MDGA2: variants seen among roughly 807,000 people sequenced by gnomAD.
MDGA2 encodes the protein MAM domain containing glycosylphosphatidylinositol anchor 2, also known as MAM domain-containing glycosylphosphatidylinositol anchor protein 2.
In MDGA2, 40 loss-of-function variants were observed where a neutral mutation model predicts 117.8. The observed-to-expected ratio is 0.34, with a 90% CI of 0.26 to 0.44. The LOEUF (loss-of-function observed/expected upper bound fraction) is 0.44. Among genes scored for constraint, MDGA2 ranks in the 20% least tolerant of loss-of-function variants. MDGA2 has a pLI of 1.00. For synonymous variants in MDGA2, 452 were observed against 439.0 expected (o/e 1.03, Z -0.37); for missense variants, 1,123 against 1,250.6 (o/e 0.90, Z 1.54).
intron 8 of MDGA2, chr14:46,996,848 A>G (rs1225290163): frequency 8.1e-6 from 2 of 246,336 alleles, no homozygotes; most frequent in East Asian, 1.0e-4. Context: ...GATATGAATG[A>G]GCTTTCCACA....
chr14:46,913,578 A>T (rs968411946), intron 10 of MDGA2, among the ~76,000 whole-genome samples: 1 of 152,226 alleles, frequency 6.6e-6, no homozygotes, highest in African/African-American at 2.4e-5. Flanking sequence ...TTAAATTTGT[A>T]ATAAAGTTAT....
chr14:47,488,083 C>A (rs1032217053), intron 1 of MDGA2, among the ~76,000 whole-genome samples: 5 of 152,008 alleles, frequency 3.3e-5, no homozygotes, highest in African/African-American at 1.2e-4. Context: ...TGCTCCAAGT[C>A]ACTTGTTTTC....
intron 1 of MDGA2, among the ~76,000 whole-genome samples, chr14:47,399,840 A>C (rs1336963176): frequency 6.6e-6 from 1 of 152,136 alleles, no homozygotes; most frequent in Non-Finnish European, 1.5e-5. Context: ...AGGATTTTAG[A>C]GGAAAGAAAA....
chr14:47,348,662 C>T (rs1189718746), intron 1 of MDGA2, among the ~76,000 whole-genome samples: 3 of 151,986 alleles, frequency 2.0e-5, no homozygotes, highest in African/African-American at 4.8e-5. Flanking sequence ...AACAGAATAC[C>T]TCCTTAACTG....
chr14:47,107,695 C>G (rs1419209977), intron 5 of MDGA2, among the ~76,000 whole-genome samples: 1 of 151,478 alleles, frequency 6.6e-6, no homozygotes. Flanking sequence ...GCACCTTCTA[C>G]AAAACAACTC....
intron 8 of MDGA2, among the ~76,000 whole-genome samples, chr14:46,966,026 G>T (rs1886017439): frequency 6.6e-6 from 1 of 151,450 alleles, no homozygotes; most frequent in East Asian, 1.9e-4. Flanking sequence ...CTTATACTAA[G>T]ATAGTTGGTT....
chr14:47,633,224 A>G (rs150686791), intron 1 of MDGA2, among the ~76,000 whole-genome samples: 1,834 of 151,968 alleles, frequency 0.012, 15 homozygotes, highest in Middle Eastern at 0.034. Flanking sequence ...CTTCCACTAT[A>G]TTGAAGCTCT....
At chr14:46,949,646 T>C (rs1033568858) in intron 9 of MDGA2, among the ~76,000 whole-genome samples, 1 of 152,064 alleles carries the variant, frequency 6.6e-6, no homozygotes, top group African/African-American at 2.4e-5. Flanking sequence ...CTTAGAATAA[T>C]GGCTTCCAGC....
At position 46,845,684 on chromosome 14, in the gene MDGA2, A is replaced by T. The variant is rs13379475; in HGVS notation, c.2989+82T>A. 5,430 of 844,376 alleles carry T rather than the reference A, an allele frequency of 6.4e-3. 199 individuals carry two copies. The African/African-American group carries it at 0.079, about 12-fold the overall frequency. 52.3% of individuals were successfully genotyped at this position (844,376 alleles called of 1,614,324 possible). On this transcript the variant is annotated intron_variant, in intron 16 of 16. Transcript: ENST00000399232. ...ACCAACTAAAAATAACTCCGTTTTT[A>T]AAATTAATTAAATTAAATGTTAATT...
At chr14:47,603,402 A>G in intron 1 of MDGA2, among the ~76,000 whole-genome samples, 1 of 152,194 alleles carries the variant, frequency 6.6e-6, no homozygotes, top group East Asian at 1.9e-4. Flanking sequence ...TGTATACCAT[A>G]GACATAAAAT....
At chr14:47,543,634 T>A (rs1043922891) in intron 1 of MDGA2, among the ~76,000 whole-genome samples, 1 of 152,238 alleles carries the variant, frequency 6.6e-6, no homozygotes, top group Non-Finnish European at 1.5e-5. Flanking sequence ...CAAATGAATA[T>A]ACTCAGATAA....
rs796606770 is a variant in MDGA2, at chr14:47,286,826, C to CAT, written c.420+14583_420+14584dup. On this transcript the variant is annotated intron_variant, in intron 2 of 16. Transcript: ENST00000399232. ...CATTATATATATATATATATATATA[C>CAT]ATATATATATGTATATATATATATA... is the stretch of plus-strand genomic sequence containing the variant. 1.9e-3 allele frequency among the ~76,000 whole-genome samples: 134 copies of CAT among 71,602 alleles called. No individual in the cohort carries two copies. The East Asian group carries it at 0.033, about 17-fold the overall frequency. The allele number at this position is 71,602 out of a possible 152,430, so 47.0% of individuals were successfully genotyped here. A position where few individuals can be genotyped will look rare whatever the true frequency, so the allele number is the denominator to read the frequency against.
At chr14:47,249,444 C>T (rs1205407195) in intron 2 of MDGA2, among the ~76,000 whole-genome samples, 4 of 152,268 alleles carry the variant, frequency 2.6e-5, no homozygotes, top group Admixed American at 2.0e-4. Flanking sequence ...ACCTCGGCCT[C>T]CTGAATAGCT....
At chr14:46,961,875 C>G (rs150427260) in intron 8 of MDGA2, among the ~76,000 whole-genome samples, 128 of 152,242 alleles carry the variant, frequency 8.4e-4, no homozygotes, top group African/African-American at 2.7e-3. Context: ...ATCTCCTGAC[C>G]TCGTGATCCA....
At chr14:47,316,914 G>C (rs769604447) in intron 1 of MDGA2, among the ~76,000 whole-genome samples, 1 of 152,066 alleles carries the variant, frequency 6.6e-6, no homozygotes, top group Non-Finnish European at 1.5e-5. Context: ...TTGAGAATGA[G>C]AGAACTGAGG....
intron 9 of MDGA2, among the ~76,000 whole-genome samples, chr14:46,954,243 T>C (rs1309642189): frequency 1.3e-5 from 2 of 151,934 alleles, no homozygotes; most frequent in Non-Finnish European, 2.9e-5. Flanking sequence ...CGTGCACCCA[T>C]GTCTCCAGGG....
At chr14:46,985,251 A>G (rs1886819094) in intron 8 of MDGA2, among the ~76,000 whole-genome samples, 2 of 152,090 alleles carry the variant, frequency 1.3e-5, no homozygotes, top group Non-Finnish European at 2.9e-5. Context: ...GTGACTAGAA[A>G]GAAGTGATAA....
At chr14:47,200,520 TTTCTTTTTCTTTTC>T in intron 3 of MDGA2, 1 of 623,006 alleles carries the variant, frequency 1.6e-6, no homozygotes, top group Admixed American at 3.6e-5. Flanking sequence ...TCTTTTCTTT[TTTCTTTTTCTTTTC>T]TTTTTTTTTT....
chr14:47,060,147 G>T (rs978582597), intron 7 of MDGA2, among the ~76,000 whole-genome samples: 1 of 151,930 alleles, frequency 6.6e-6, no homozygotes, highest in Non-Finnish European at 1.5e-5. Context: ...AAGAAATAAT[G>T]TCCAAACACA....
Sources: gnomAD v4.1 joint callset for allele counts (sites outside exome capture counted in the v4.1 genomes callset) on GRCh38, gnomAD v4.1.1 for gene constraint, MANE v1.5 for transcripts, NCBI Gene and HGNC (gene_info 2026-07-23, HGNC 2026-07-21) for gene names.